HAGH: variants seen among roughly 807,000 people sequenced by gnomAD.
The protein encoded by HAGH is hydroxyacylglutathione hydrolase.
A neutral mutation model predicts 35.1 loss-of-function variants in HAGH; 29 were observed. The observed-to-expected ratio is 0.83, with a 90% CI of 0.62 to 1.13. HAGH has a LOEUF of 1.13. HAGH is among the 50% of genes most tolerant of loss of function. The pLI is 0.00. For synonymous variants in HAGH, 225 were observed against 176.1 expected (o/e 1.28, Z -2.20); for missense variants, 478 against 419.6 (o/e 1.14, Z -1.22).
chr16:1,826,568 C>G, intron 1 of HAGH, 144 bp downstream of exon 1: 1 of 978,030 alleles, frequency 1.0e-6, no homozygotes, highest in East Asian at 1.1e-4. Flanking sequence ...GCCTGCGCCG[C>G]CTCCGCTCGA....
chr16:1,825,269 G>A (rs927087400), intron 1 of HAGH, among the ~76,000 whole-genome samples: 2 of 152,172 alleles, frequency 1.3e-5, no homozygotes, highest in African/African-American at 4.8e-5. Context: ...AGTGAGCCGA[G>A]ATTGGCCACT....
chr16:1,817,179 G>T lies in HAGH; in HGVS notation c.634C>A (p.Pro212Thr). Reference protein sequence around the residue: ...KALLEVLGRLPPDTRVYCGHE... With the variant: ...KALLEVLGRLTPDTRVYCGHE... ...GAGGCGCTGCCTACTGTGTCCGGGG[G>T]GAGCCGGCCCAAGACCTCCAGCAGA... is the stretch of plus-strand genomic sequence containing the variant. Residue 212 changes from proline (P) to threonine (T), a missense_variant, in exon 6 of 9, where the codon CCC (proline) becomes ACC (threonine). By Grantham distance (38) the Pro-to-Thr change is conservative (BLOSUM62 -1). Transcript: ENST00000397356. 1 of 1,607,734 alleles carries T rather than the reference G, an allele frequency of 6.2e-7. No individual in the cohort carries two copies. Among genetic ancestry groups the T allele is most frequent in the Admixed American group, 1.7e-5 (1 of 60,016 alleles).
chr16:1,816,419 C>G (rs1897895466), intron 7 of HAGH, among the ~76,000 whole-genome samples: 1 of 152,118 alleles, frequency 6.6e-6, no homozygotes, highest in African/African-American at 2.4e-5. Context: ...TGAGACCACC[C>G]AGGCGTGCGT....
At chr16:1,827,104 C>G (rs949785898), upstream of HAGH, 2 of 1,333,090 alleles carry the variant, frequency 1.5e-6, no homozygotes, top group South Asian at 1.4e-5. Context: ...CGCCCGGGTA[C>G]CCGGCAGATC....
In HAGH at chr16:1,817,178, G is replaced by A; in HGVS notation, c.635C>T (p.Pro212Leu). Residue 212 changes from proline (P) to leucine (L), a missense_variant, in exon 6 of 9, where the codon CCC becomes CTC. Physicochemically the swap from Pro to Leu is moderately conservative, Grantham distance 98. Transcript: ENST00000397356. ...GGAGGCGCTGCCTACTGTGTCCGGG[G>A]GGAGCCGGCCCAAGACCTCCAGCAG... is the stretch of plus-strand genomic sequence containing the variant. ...KALLEVLGRL[P>L]PDTRVYCGHE... 1.9e-6 allele frequency: 3 copies of A among 1,607,270 alleles called. No individual in the cohort carries two copies. The highest frequency in any genetic ancestry group is 2.6e-6 in the Non-Finnish European group (3 of 1,173,772).
intron 7 of HAGH, among the ~76,000 whole-genome samples, chr16:1,814,232 T>C (rs970338938): frequency 6.6e-6 from 1 of 152,110 alleles, no homozygotes; most frequent in Admixed American, 6.6e-5. Flanking sequence ...CCCAGCACTT[T>C]TGGAGCCCAA....
At chr16:1,822,202 G>C (rs903232559) in intron 3 of HAGH, 98 bp downstream of exon 3, 6 of 771,926 alleles carry the variant, frequency 7.8e-6, no homozygotes, top group African/African-American at 1.7e-5. Context: ...TCACAAAGCA[G>C]ACAGAGCCGT....
At chr16:1,814,870 C>G (rs1169403116) in intron 7 of HAGH, among the ~76,000 whole-genome samples, 1 of 151,754 alleles carries the variant, frequency 6.6e-6, no homozygotes, top group Non-Finnish European at 1.5e-5. Flanking sequence ...TGCACTCCAG[C>G]CTGGGCGACA....
At chr16:1,826,472 G>A in intron 1 of HAGH, 3 of 804,352 alleles carry the variant, frequency 3.7e-6, no homozygotes, top group Non-Finnish European at 4.5e-6. Context: ...CCCGAGCGTG[G>A]AGGCCGCGGC....
intron 1 of HAGH, among the ~76,000 whole-genome samples, chr16:1,823,912 G>C (rs1021082361): frequency 6.6e-6 from 1 of 152,256 alleles, no homozygotes; most frequent in African/African-American, 2.4e-5. Flanking sequence ...GCTTGTGATT[G>C]TGAGGCGAAC....
chr16:1,809,560 A>C, intron 8 of HAGH, 178 bp from the exon 9 acceptor site: 1 of 663,028 alleles, frequency 1.5e-6, no homozygotes, highest in Non-Finnish European at 2.6e-6. Context: ...GTCCAGAAGG[A>C]CTCACACCCC....
intron 7 of HAGH, among the ~76,000 whole-genome samples, chr16:1,811,926 C>CAT (rs1332654991): frequency 6.6e-6 from 1 of 152,296 alleles, no homozygotes; most frequent in East Asian, 1.9e-4. Context: ...GTGGTTGGCA[C>CAT]ATGCCTGTAA....
chr16:1,826,641 G>A, intron 1 of HAGH, 71 bp downstream of exon 1: 2 of 967,256 alleles, frequency 2.1e-6, no homozygotes, highest in Non-Finnish European at 2.5e-6. Context: ...GCCAAACGAC[G>A]GCCCGGCGCC....
intron 7 of HAGH, among the ~76,000 whole-genome samples, chr16:1,811,308 A>G (rs1015746832): frequency 2.6e-5 from 4 of 152,218 alleles, no homozygotes; most frequent in African/African-American, 9.6e-5. Flanking sequence ...CAGCTACTGG[A>G]GAAGCTGAGG....
chr16:1,809,038 G>C lies in HAGH; in HGVS notation c.*245C>G. The C allele has an allele frequency of 2.1e-6, 1 of 476,804 alleles. No homozygotes were observed. The highest frequency in any genetic ancestry group is 3.8e-6 in the Non-Finnish European group (1 of 266,628). The allele number at this position is 476,804 out of a possible 1,614,324, so 29.5% of individuals were successfully genotyped here. A position where few individuals can be genotyped will look rare whatever the true frequency, so the allele number is the denominator to read the frequency against. On this transcript the variant is annotated 3_prime_UTR_variant, in exon 9 of 9. Coordinates refer to ENST00000397356, the MANE Select transcript of HAGH (RefSeq NM_005326.6). ...GGGGACTGCAGTGGCTCACGGAGGAGGAAGGAGGCCCGAGGGGACAAGCAG... is the reference window on the plus strand; with the variant it reads ...GGGGACTGCAGTGGCTCACGGAGGACGAAGGAGGCCCGAGGGGACAAGCAG...
chr16:1,809,247 C>G lies in HAGH; in HGVS notation c.*36G>C. The G allele has an allele frequency of 7.0e-7, 1 of 1,420,920 alleles. No individual in the cohort carries two copies. Among genetic ancestry groups the G allele is most frequent in the Non-Finnish European group, 9.8e-7 (1 of 1,018,262 alleles). 88.0% of individuals were successfully genotyped at this position (1,420,920 alleles called of 1,614,324 possible). On this transcript the variant is annotated 3_prime_UTR_variant, in exon 9 of 9. Coordinates refer to ENST00000397356, the MANE Select transcript of HAGH (RefSeq NM_005326.6). ...CAGGAAAGCCAGTTACCTAAAAGAG[C>G]CTAATCCCCAAATCCGCTGAAGGTG...
chr16:1,812,515 A>AAAAAC (rs1897702069), intron 7 of HAGH: 1 of 25,602 alleles, frequency 3.9e-5, no homozygotes, highest in South Asian at 1.3e-3. Context: ...AAAAAAAAAA[A>AAAAAC]AAAACAAAAA....
chr16:1,809,174 G>T lies in HAGH; in HGVS notation c.*109C>A, dbSNP rs1897517003. 2.8e-6 allele frequency: 2 copies of T among 718,882 alleles called. No individual in the cohort carries two copies. Among genetic ancestry groups the T allele is most frequent in the Non-Finnish European group, 4.9e-6 (2 of 410,098 alleles). 44.5% of individuals were successfully genotyped at this position (718,882 alleles called of 1,614,324 possible). ...GAATGTCCGATAACACAAGCCAAGG[G>T]CTGTAAAATTAAGGTTAAATCAAGA... On this transcript the variant is annotated 3_prime_UTR_variant, in exon 9 of 9. Transcript: ENST00000397356.
intron 3 of HAGH, among the ~76,000 whole-genome samples, chr16:1,820,831 C>T (rs1287064020): frequency 6.6e-6 from 1 of 152,206 alleles, no homozygotes; most frequent in East Asian, 1.9e-4. Context: ...GAGGGCGCGG[C>T]ACCACAGGCC....
Sources: allele counts gnomAD v4.1 joint callset (sites outside exome capture counted in the v4.1 genomes callset), GRCh38; gene constraint gnomAD v4.1.1; transcripts MANE v1.5; gene names NCBI Gene and HGNC (gene_info 2026-07-23, HGNC 2026-07-21).